Variants in KSR2 observed in about 807,000 individuals in gnomAD.
The protein encoded by KSR2 is kinase suppressor of ras 2.
KSR2 carries 25 observed loss-of-function variants against 107.8 expected under a neutral mutation model. That is an observed-to-expected ratio of 0.23 (90% CI 0.17 to 0.32). KSR2 has a LOEUF of 0.32. Ranked by LOEUF, KSR2 falls within the 10% of genes least tolerant of loss-of-function variation. The pLI is 1.00. For synonymous variants in KSR2, 480 were observed against 507.0 expected (o/e 0.95, Z 0.71); for missense variants, 887 against 1,268.9 (o/e 0.70, Z 4.57).
intron 4 of KSR2, among the ~76,000 whole-genome samples, chr12:117,740,603 G>GATGTAAAATATACATATATTATAT (rs1888173358): frequency 1.5e-5 from 1 of 67,306 alleles, no homozygotes; most frequent in East Asian, 3.5e-4. Flanking sequence ...TACATATATA[G>GATGTAAAATATACATATATTATAT]ATGTAAAATA....
chr12:117,804,351 T>A (rs1890940355), intron 3 of KSR2, among the ~76,000 whole-genome samples: 1 of 152,204 alleles, frequency 6.6e-6, no homozygotes, highest in African/African-American at 2.4e-5. Flanking sequence ...CCATTTATTG[T>A]CTATACCTGA....
intron 1 of KSR2, among the ~76,000 whole-genome samples, chr12:117,882,892 T>C (rs1420285512): frequency 6.6e-6 from 1 of 151,844 alleles, no homozygotes; most frequent in Admixed American, 6.6e-5. Context: ...CATCCATCCA[T>C]CCACCCATCC....
chr12:117,630,117 G>T (rs192020144), intron 5 of KSR2, among the ~76,000 whole-genome samples: 30 of 152,272 alleles, frequency 2.0e-4, no homozygotes, highest in Non-Finnish European at 3.5e-4. Context: ...AAATCCCTGG[G>T]GTCTAAGGAA....
At chr12:117,597,224 G>A (rs1170655477) in intron 5 of KSR2, among the ~76,000 whole-genome samples, 1 of 152,206 alleles carries the variant, frequency 6.6e-6, no homozygotes, top group African/African-American at 2.4e-5. Context: ...GTGGTAGACT[G>A]AATAATGCCC....
intron 3 of KSR2, among the ~76,000 whole-genome samples, chr12:117,849,015 C>A (rs1356500202): frequency 1.3e-5 from 2 of 152,138 alleles, no homozygotes; most frequent in Non-Finnish European, 2.9e-5. Flanking sequence ...TATGTCGTAT[C>A]CACAATCACA....
chr12:117,661,426 A>C (rs1167483112), intron 5 of KSR2, among the ~76,000 whole-genome samples: 2 of 152,162 alleles, frequency 1.3e-5, no homozygotes, highest in African/African-American at 4.8e-5. Context: ...GTTCACAAAA[A>C]TTAGAGAGAG....
At chr12:117,835,672 T>A (rs1025841306) in intron 3 of KSR2, among the ~76,000 whole-genome samples, 5 of 152,080 alleles carry the variant, frequency 3.3e-5, no homozygotes, top group Non-Finnish European at 5.9e-5. Context: ...TTTTTGATGG[T>A]CACTACCAGG....
chr12:117,563,066 C>A (rs1398954950), intron 7 of KSR2, among the ~76,000 whole-genome samples: 1 of 152,100 alleles, frequency 6.6e-6, no homozygotes, highest in Non-Finnish European at 1.5e-5. Context: ...TTAATGGAAA[C>A]TGTTCTTCCA....
chr12:117,966,497 C>G (rs997814292), intron 1 of KSR2, among the ~76,000 whole-genome samples: 1 of 152,050 alleles, frequency 6.6e-6, no homozygotes, highest in Admixed American at 6.6e-5. Context: ...CCCACTCTCC[C>G]GATACACCTT....
chr12:117,527,935 G>A (rs558130009), intron 12 of KSR2, among the ~76,000 whole-genome samples: 19 of 148,348 alleles, frequency 1.3e-4, no homozygotes, highest in African/African-American at 4.0e-4. Context: ...AGACCATATT[G>A]AGCTGGAAGA....
At chr12:117,788,960 A>G (rs1890169040) in intron 3 of KSR2, among the ~76,000 whole-genome samples, 1 of 152,208 alleles carries the variant, frequency 6.6e-6, no homozygotes, top group Non-Finnish European at 1.5e-5. Context: ...TGGAGAGCTT[A>G]TTAAAACAAC....
chr12:117,714,053 G>A (rs1290615462), intron 4 of KSR2, among the ~76,000 whole-genome samples: 1 of 152,074 alleles, frequency 6.6e-6, no homozygotes, highest in Non-Finnish European at 1.5e-5. Flanking sequence ...CCTGATTTGG[G>A]GGCGGGATGG....
intron 14 of KSR2, among the ~76,000 whole-genome samples, chr12:117,523,844 T>A (rs929386587): frequency 1.3e-5 from 2 of 152,146 alleles, no homozygotes; most frequent in African/African-American, 4.8e-5. Context: ...TGGTGGCACA[T>A]GCCTGTAATC....
At position 117,656,981 on chromosome 12, in the gene KSR2, G is replaced by GATATAT. The variant is rs59605571; in HGVS notation, c.1171+10487_1171+10492dup. On this transcript the variant is annotated intron_variant, in intron 5 of 19. Transcript: ENST00000339824. ...ATAATAGGATATATATATATAATAG[G>GATATAT]ATATATATATATATATATATATATA... is the stretch of plus-strand genomic sequence containing the variant. Among the ~76,000 whole-genome samples, 555 of 98,110 alleles carry GATATAT rather than the reference G, an allele frequency of 5.7e-3. 12 individuals are homozygous for GATATAT. Among genetic ancestry groups the GATATAT allele is most frequent in the African/African-American group, 0.014 (320 of 23,094 alleles). 64.4% of individuals were successfully genotyped at this position (98,110 alleles called of 152,430 possible).
intron 3 of KSR2, among the ~76,000 whole-genome samples, chr12:117,838,091 T>C (rs534605730): frequency 1.3e-5 from 2 of 152,318 alleles, no homozygotes; most frequent in East Asian, 3.9e-4. Flanking sequence ...GACAACGAGA[T>C]GTGGTCCCCA....
chr12:117,710,857 G>A (rs558971870), intron 4 of KSR2, among the ~76,000 whole-genome samples: 2 of 151,750 alleles, frequency 1.3e-5, no homozygotes, highest in East Asian at 1.9e-4. Flanking sequence ...CATCCATGTC[G>A]ACCTTCTTTC....
intron 4 of KSR2, among the ~76,000 whole-genome samples, chr12:117,680,951 T>G (rs1885340034): frequency 1.3e-5 from 2 of 152,004 alleles, no homozygotes; most frequent in Admixed American, 1.3e-4. Context: ...GACAAACAGA[T>G]AGCAACGAGG....
At chr12:117,797,802 C>T (rs962081135) in intron 3 of KSR2, among the ~76,000 whole-genome samples, 15 of 150,612 alleles carry the variant, frequency 1.0e-4, no homozygotes, top group East Asian at 4.0e-4. Context: ...ACCACAGGTG[C>T]GCACAATCAT....
At chr12:117,899,078 A>G (rs562562965) in intron 1 of KSR2, among the ~76,000 whole-genome samples, 32 of 152,308 alleles carry the variant, frequency 2.1e-4, no homozygotes, top group African/African-American at 6.7e-4. Context: ...TGGATATATC[A>G]CTGATACTTA....
Sources: gnomAD v4.1 joint callset for allele counts (sites outside exome capture counted in the v4.1 genomes callset) on GRCh38, gnomAD v4.1.1 for gene constraint, MANE v1.5 for transcripts, NCBI Gene and HGNC (gene_info 2026-07-23, HGNC 2026-07-21) for gene names.